PRKAA2: variants seen among roughly 807,000 people sequenced by gnomAD.
PRKAA2 encodes the protein protein kinase AMP-activated catalytic subunit alpha 2.
Under a neutral mutation model 56.3 loss-of-function variants are expected in PRKAA2, and 40 were observed. The ratio of observed to expected loss-of-function variants is 0.71; its 90% CI spans 0.55 to 0.92. The LOEUF is 0.92. Ranked by LOEUF, PRKAA2 falls within the 40% of genes least tolerant of loss-of-function variation. PRKAA2 has a pLI of 0.00. For synonymous variants in PRKAA2, 214 were observed against 234.2 expected, an observed-to-expected ratio of 0.91 and a Z score of 0.79; for missense variants, 542 against 686.9, an observed-to-expected ratio of 0.79 and a Z score of 2.36.
rs1238828570 is a variant in PRKAA2, at chr1:56,691,386, CA to C, written c.237-2del. 2 of 1,598,674 alleles carry C rather than the reference CA, an allele frequency of 1.3e-6. No individual in the cohort carries two copies. The highest frequency in any genetic ancestry group is 2.7e-5 in the African/African-American group (2 of 74,472). On this transcript the variant is annotated splice_region_variant and splice_polypyrimidine_tract_variant and intron_variant, in intron 2 of 8. Transcript: ENST00000371244. ...TACTTTGTTAACTTTTTTTAATTAA[CA>C]AAAAAGATACCAGGTGATCAGCACT...
At position 56,696,061 on chromosome 1, in the gene PRKAA2, C is replaced by G. The variant is rs1644257096; in HGVS notation, c.690C>G (p.Val230=). 1 of 1,612,894 alleles carries G rather than the reference C, an allele frequency of 6.2e-7. No homozygotes were observed. Among genetic ancestry groups the G allele is most frequent in the Admixed American group, 1.7e-5 (1 of 59,792 alleles). The stretch of plus-strand genomic sequence containing the variant: ...TATTTAAGAAGATCCGAGGGGGTGT[C>G]TTTTATATCCCAGAATATCTCAATC... ...PTLFKKIRGG[V]FYIPEYLNRS... is the part of the protein sequence containing the mutation. The change falls in exon 6 of 9, where the codon GTC becomes GTG. Residue 230 remains valine, a synonymous_variant. Coordinates refer to ENST00000371244, the MANE Select transcript of PRKAA2 (RefSeq NM_006252.4).
At chr1:56,687,152 G>A (rs1230440267) in intron 2 of PRKAA2, among the ~76,000 whole-genome samples, 1 of 152,050 alleles carries the variant, frequency 6.6e-6, no homozygotes, top group African/African-American at 2.4e-5. Flanking sequence ...CCAAAGTGCT[G>A]GGATTACAGG....
intron 1 of PRKAA2, 33 bp from the exon 2 acceptor site, chr1:56,674,348 T>C (rs767116658): frequency 1.3e-6 from 2 of 1,506,410 alleles, no homozygotes; most frequent in South Asian, 1.3e-5. Context: ...GTTGATATGA[T>C]AGCACATTTT....
chr1:56,647,312 A>G (rs1646651115), intron 1 of PRKAA2, among the ~76,000 whole-genome samples: 1 of 152,214 alleles, frequency 6.6e-6, no homozygotes, highest in Non-Finnish European at 1.5e-5. Context: ...CGCCTTTGAC[A>G]TTTGGACATG....
intron 2 of PRKAA2, among the ~76,000 whole-genome samples, chr1:56,687,111 C>T (rs857132): frequency 0.45 from 67,814 of 151,694 alleles, 15,692 homozygotes; most frequent in East Asian, 0.59. Flanking sequence ...CTCAGACTCT[C>T]GACCTCAGGT....
intron 2 of PRKAA2, among the ~76,000 whole-genome samples, chr1:56,690,294 G>C (rs1034834309): frequency 5.3e-5 from 8 of 151,872 alleles, no homozygotes; most frequent in African/African-American, 1.9e-4. Context: ...CTCCCGAGTA[G>C]CTGGGACTAC....
chr1:56,647,534 T>C (rs543883223), intron 1 of PRKAA2, among the ~76,000 whole-genome samples: 2 of 152,314 alleles, frequency 1.3e-5, no homozygotes, highest in East Asian at 3.9e-4. Flanking sequence ...CAGAAAGAAC[T>C]TTGATTTATG....
chr1:56,653,601 A>G (rs1643918095), intron 1 of PRKAA2, among the ~76,000 whole-genome samples: 1 of 152,134 alleles, frequency 6.6e-6, no homozygotes, highest in African/African-American at 2.4e-5. Flanking sequence ...ATGTACATAG[A>G]TGAAAAAGCA....
chr1:56,679,307 T>C (rs1167226232), intron 2 of PRKAA2, among the ~76,000 whole-genome samples: 1 of 152,206 alleles, frequency 6.6e-6, no homozygotes, highest in Non-Finnish European at 1.5e-5. Flanking sequence ...TTATGATTTC[T>C]GGCCCTTTTG....
intron 1 of PRKAA2, among the ~76,000 whole-genome samples, 196 bp from the exon 2 acceptor site, chr1:56,674,185 A>G (rs141137529): frequency 4.6e-5 from 7 of 152,320 alleles, no homozygotes; most frequent in Admixed American, 2.0e-4. Context: ...AGAGATGACT[A>G]AGATACAGTT....
At chr1:56,685,026 G>C (rs1452957014) in intron 2 of PRKAA2, among the ~76,000 whole-genome samples, 1 of 152,170 alleles carries the variant, frequency 6.6e-6, no homozygotes, top group Admixed American at 6.6e-5. Flanking sequence ...GGAGGAGTTA[G>C]TCTTTGAAAG....
At chr1:56,646,000 G>C (rs1646637981) in intron 1 of PRKAA2, among the ~76,000 whole-genome samples, 1 of 152,174 alleles carries the variant, frequency 6.6e-6, no homozygotes, top group African/African-American at 2.4e-5. Context: ...CTAAAGGTGA[G>C]AAAACTAGGA....
At chr1:56,676,424 G>A (rs1289992782) in intron 2 of PRKAA2, among the ~76,000 whole-genome samples, 2 of 152,176 alleles carry the variant, frequency 1.3e-5, no homozygotes, top group Non-Finnish European at 2.9e-5. Flanking sequence ...AGGAAAGGGA[G>A]CATGAGTCAA....
In PRKAA2 at chr1:56,703,590, A is replaced by T. The variant is rs532491629; in HGVS notation, c.789-381A>T. On this transcript the variant is annotated intron_variant, in intron 6 of 8. Coordinates refer to ENST00000371244, the MANE Select transcript of PRKAA2 (RefSeq NM_006252.4). ...GGAAAAGAAAAAAAGCATATTTATT[A>T]TTATTAACACCAACTTTATCAGAAA... Among the ~76,000 whole-genome samples, 74 of 152,350 alleles carry T rather than the reference A, an allele frequency of 4.9e-4. 1 individual carries two copies. In the East Asian group the frequency reaches 0.01, roughly 21 times the overall value.
intron 6 of PRKAA2, among the ~76,000 whole-genome samples, chr1:56,702,545 A>G (rs2100435572): frequency 6.6e-6 from 1 of 152,340 alleles, no homozygotes; most frequent in South Asian, 2.1e-4. Context: ...CAATTCTTAG[A>G]AATATCTGAT....
chr1:56,684,183 G>A (rs1447421285), intron 2 of PRKAA2, among the ~76,000 whole-genome samples: 2 of 152,110 alleles, frequency 1.3e-5, no homozygotes, highest in Non-Finnish European at 2.9e-5. Flanking sequence ...AAAAAACAAG[G>A]ATGGAGTTGC....
intron 2 of PRKAA2, among the ~76,000 whole-genome samples, chr1:56,678,755 G>A (rs1168127395): frequency 1.3e-5 from 2 of 148,968 alleles, no homozygotes; most frequent in Admixed American, 6.7e-5. Context: ...GAGTGCAGTA[G>A]CATGATCTCA....
At position 56,709,385 on chromosome 1, in the gene PRKAA2, A is replaced by C. The variant is rs2100443661; in HGVS notation, c.*1672A>C. 6.6e-6 allele frequency: 1 copy of C among 152,322 alleles called. No individual in the cohort carries two copies. The highest frequency in any genetic ancestry group is 2.4e-5 in the African/African-American group (1 of 41,572). The allele number at this position is 152,322 out of a possible 1,614,324, so 9.4% of individuals were successfully genotyped here. A position where few individuals can be genotyped will look rare whatever the true frequency, so the allele number is the denominator to read the frequency against. On this transcript the variant is annotated 3_prime_UTR_variant, in exon 9 of 9. Transcript: ENST00000371244. Reference sequence around the variant, plus strand: ...AATAACTTATAAGTCCAACTTCTTAATATCAAGATAAATGAATAGTTCACC... The same window carrying C: ...AATAACTTATAAGTCCAACTTCTTACTATCAAGATAAATGAATAGTTCACC...
At chr1:56,678,693 A>ATTTTTTTTTTTTTTTTTTTTTTT (rs144835366) in intron 2 of PRKAA2, among the ~76,000 whole-genome samples, 1 of 123,484 alleles carries the variant, frequency 8.1e-6, no homozygotes, top group Admixed American at 8.2e-5. Flanking sequence ...ATCTTGTCTA[A>ATTTTTTTTTTTTTTTTTTTTTTT]TTTTTTTTTT....
Sources: gnomAD v4.1 joint callset for allele counts (sites outside exome capture counted in the v4.1 genomes callset) on GRCh38, gnomAD v4.1.1 for gene constraint, MANE v1.5 for transcripts, NCBI Gene and HGNC (gene_info 2026-07-23, HGNC 2026-07-21) for gene names.